ZFHX4: variants seen among roughly 807,000 people sequenced by gnomAD.
The protein encoded by ZFHX4 is zinc finger homeobox protein 4.
A neutral mutation model predicts 267.6 loss-of-function variants in ZFHX4; 56 were observed. That is an observed-to-expected ratio of 0.21 (90% CI 0.17 to 0.26). ZFHX4 has a LOEUF of 0.26. Among genes scored for constraint, ZFHX4 ranks in the 10% least tolerant of loss-of-function variants. The probability of loss-of-function intolerance (pLI) is 1.00; values close to 1 mark genes in which losing one functional copy is unlikely to be tolerated. For synonymous variants in ZFHX4, 1,778 were observed against 1,665.6 expected, an observed-to-expected ratio of 1.07 and a Z score of -1.64; for missense variants, 4,332 against 4,420.0, an observed-to-expected ratio of 0.98 and a Z score of 0.56.
intron 3 of ZFHX4, among the ~76,000 whole-genome samples, chr8:76,724,180 A>G (rs1054991590): frequency 6.6e-6 from 1 of 152,064 alleles, no homozygotes; most frequent in Non-Finnish European, 1.5e-5. Context: ...CAAGGTCATG[A>G]TAGTGATAAT....
rs1227667713 is a variant in ZFHX4 at position 76,854,084 on chromosome 8, G to C, written c.7163G>C (p.Ser2388Thr). ...APAASSGSGT[S>T]TPLIPSPKPE... is the part of the protein sequence containing the mutation. The stretch of plus-strand genomic sequence containing the variant: ...GCAGCAAGTTCTGGCTCTGGGACCA[G>C]CACCCCCCTGATTCCATCACCCAAA... Residue 2388 changes from serine (S) to threonine (T), a missense_variant, in exon 10 of 11, where the codon AGC (serine) becomes ACC (threonine). Physicochemically the swap from Ser to Thr is moderately conservative, Grantham distance 58. Coordinates refer to ENST00000651372, the MANE Select transcript of ZFHX4 (RefSeq NM_024721.5). 2 of 1,613,756 alleles carry C rather than the reference G, an allele frequency of 1.2e-6. No individual in the cohort carries two copies. Among genetic ancestry groups the C allele is most frequent in the Non-Finnish European group, 1.7e-6 (2 of 1,179,856 alleles).
At chr8:76,734,898 G>A (rs1240949323) in intron 3 of ZFHX4, among the ~76,000 whole-genome samples, 2 of 152,034 alleles carry the variant, frequency 1.3e-5, no homozygotes, top group African/African-American at 4.8e-5. Flanking sequence ...TGCTACATGT[G>A]CACACAAATA....
intron 3 of ZFHX4, among the ~76,000 whole-genome samples, chr8:76,724,418 C>T (rs558103611): frequency 5.3e-5 from 8 of 152,176 alleles, no homozygotes; most frequent in African/African-American, 1.9e-4. Flanking sequence ...CATACTCTTT[C>T]CAAGTAAGTC....
intron 3 of ZFHX4, among the ~76,000 whole-genome samples, chr8:76,713,277 A>G (rs1446630858): frequency 7.1e-6 from 1 of 141,712 alleles, no homozygotes; most frequent in South Asian, 2.3e-4. Context: ...AGAGAGATAG[A>G]TAGAAAGATA....
At chr8:76,821,579 T>A (rs1811650309) in intron 4 of ZFHX4, among the ~76,000 whole-genome samples, 1 of 151,958 alleles carries the variant, frequency 6.6e-6, no homozygotes, top group Non-Finnish European at 1.5e-5. Context: ...CTTGGTTTTC[T>A]CCTACCTCAT....
chr8:76,794,283 G>T (rs1342453559), intron 4 of ZFHX4, among the ~76,000 whole-genome samples: 1 of 152,132 alleles, frequency 6.6e-6, no homozygotes, highest in East Asian at 1.9e-4. Context: ...TAAGATGAAT[G>T]CAGGTATTTC....
At chr8:76,837,162 G>C (rs148698691) in intron 5 of ZFHX4, among the ~76,000 whole-genome samples, 4 of 152,200 alleles carry the variant, frequency 2.6e-5, no homozygotes, top group African/African-American at 9.6e-5. Flanking sequence ...GATAGAGAAA[G>C]GGCTTAGTAC....
intron 3 of ZFHX4, among the ~76,000 whole-genome samples, chr8:76,717,165 T>TA (rs1254374680): frequency 2.0e-5 from 3 of 152,158 alleles, no homozygotes; most frequent in African/African-American, 7.2e-5. Flanking sequence ...TCTTAGGATT[T>TA]AAAAAAATCA....
At chr8:76,837,448 G>A (rs1198384250) in intron 5 of ZFHX4, among the ~76,000 whole-genome samples, 19 of 151,120 alleles carry the variant, frequency 1.3e-4, no homozygotes, top group Admixed American at 1.3e-3. Flanking sequence ...AGACTGGAGA[G>A]GGTTGAATAA....
At chr8:76,827,903 C>T (rs1811828836) in intron 4 of ZFHX4, among the ~76,000 whole-genome samples, 1 of 152,192 alleles carries the variant, frequency 6.6e-6, no homozygotes, top group Non-Finnish European at 1.5e-5. Flanking sequence ...GACACTGGAG[C>T]ATCCAATGCA....
chr8:76,855,251 G>T lies in ZFHX4; in HGVS notation c.8330G>T (p.Cys2777Phe). Residue 2777 changes from cysteine (C) to phenylalanine (F), a missense_variant, in exon 10 of 11, where the codon TGT becomes TTT. By Grantham distance (205) the Cys-to-Phe change is radical. Transcript: ENST00000651372. Reference sequence around the variant, plus strand: ...AGCCCTTCTTCTTTTAAAGCAGAGTGTTCTGAGGATGTAGAGAATTTAAAT... The same window carrying T: ...AGCCCTTCTTCTTTTAAAGCAGAGTTTTCTGAGGATGTAGAGAATTTAAAT... Reference protein sequence around the residue: ...LLSPSSFKAECSEDVENLNAP... With the variant: ...LLSPSSFKAEFSEDVENLNAP... The T allele has an allele frequency of 6.2e-7, 1 of 1,612,466 alleles. No individual in the cohort carries two copies. Among genetic ancestry groups the T allele is most frequent in the Non-Finnish European group, 8.5e-7 (1 of 1,179,418 alleles).
At chr8:76,801,056 T>G (rs1811105358) in intron 4 of ZFHX4, among the ~76,000 whole-genome samples, 1 of 152,162 alleles carries the variant, frequency 6.6e-6, no homozygotes, top group Non-Finnish European at 1.5e-5. Context: ...TGAAAGCAGT[T>G]TCCGATGGCC....
chr8:76,797,382 A>C (rs1375517151), intron 4 of ZFHX4, among the ~76,000 whole-genome samples: 1 of 152,220 alleles, frequency 6.6e-6, no homozygotes, highest in Non-Finnish European at 1.5e-5. Context: ...CATCATAAAC[A>C]ACCCAGAGTC....
chr8:76,742,204 A>G (rs1010200047), intron 3 of ZFHX4, among the ~76,000 whole-genome samples: 1 of 151,756 alleles, frequency 6.6e-6, no homozygotes, highest in African/African-American at 2.4e-5. Context: ...GGGTGAAAGC[A>G]AAGACCCACA....
intron 4 of ZFHX4, among the ~76,000 whole-genome samples, chr8:76,807,705 A>T (rs1241564688): frequency 6.6e-6 from 1 of 152,160 alleles, no homozygotes; most frequent in Non-Finnish European, 1.5e-5. Flanking sequence ...GCCATTCCCC[A>T]TGGAGATCAT....
At chr8:76,754,488 C>CA (rs1452209088) in intron 3 of ZFHX4, among the ~76,000 whole-genome samples, 1 of 128,922 alleles carries the variant, frequency 7.8e-6, no homozygotes, top group Non-Finnish European at 1.5e-5. Flanking sequence ...GACTCTGTCT[C>CA]AAAAAAACAA....
intron 4 of ZFHX4, chr8:76,782,100 A>ATTTTTTTTTTTTTTTTTT (rs77420241): frequency 3.0e-4 from 72 of 236,752 alleles, no homozygotes; most frequent in East Asian, 4.4e-4. Flanking sequence ...TCAGTTAAGA[A>ATTTTTTTTTTTTTTTTTT]TTTTTTTTTT....
chr8:76,789,036 A>T (rs1031472157), intron 4 of ZFHX4, among the ~76,000 whole-genome samples: 1 of 152,196 alleles, frequency 6.6e-6, no homozygotes, highest in Non-Finnish European at 1.5e-5. Flanking sequence ...ATTTGTCATT[A>T]TATGGTAGAC....
chr8:76,684,271 A>AG, intron 1 of ZFHX4, among the ~76,000 whole-genome samples: 1 of 151,948 alleles, frequency 6.6e-6, no homozygotes. Context: ...AAAATCCTTA[A>AG]GGGAATATTT....
Sources: gnomAD v4.1 joint callset for allele counts (sites outside exome capture counted in the v4.1 genomes callset) on GRCh38, gnomAD v4.1.1 for gene constraint, MANE v1.5 for transcripts, NCBI Gene and HGNC (gene_info 2026-07-23, HGNC 2026-07-21) for gene names.